IFT88: variants seen among roughly 807,000 people sequenced by gnomAD.
IFT88 encodes the protein intraflagellar transport 88.
Under a neutral mutation model 119.5 loss-of-function variants are expected in IFT88, and 74 were observed. That is an observed-to-expected ratio of 0.62 (90% CI 0.51 to 0.75). IFT88 has a LOEUF of 0.75. Among genes scored for constraint, IFT88 ranks in the 30% least tolerant of loss-of-function variants. IFT88 has a pLI of 0.00. For synonymous variants in IFT88, 279 were observed against 316.7 expected (o/e 0.88, Z 1.26); for missense variants, 961 against 977.7 (o/e 0.98, Z 0.23).
intron 24 of IFT88, among the ~76,000 whole-genome samples, chr13:20,683,519 C>T (rs1054405386): frequency 1.3e-5 from 2 of 152,064 alleles, no homozygotes; most frequent in African/African-American, 2.4e-5. Context: ...GGTTGTCCAT[C>T]GAGTCCTTCA....
At chr13:20,582,930 A>G in intron 2 of IFT88, 27 bp from the exon 3 acceptor site, 3 of 1,581,688 alleles carry the variant, frequency 1.9e-6, no homozygotes, top group Non-Finnish European at 2.6e-6. Flanking sequence ...CTCTGTGTTG[A>G]ATGTTAAATT....
intron 14 of IFT88, among the ~76,000 whole-genome samples, chr13:20,617,249 G>A (rs1219027527): frequency 6.6e-6 from 1 of 152,114 alleles, no homozygotes; most frequent in African/African-American, 2.4e-5. Context: ...TGTTTCCTGG[G>A]TAGTGTGGTG....
intron 13 of IFT88, chr13:20,607,144 C>G: frequency 2.5e-6 from 1 of 393,726 alleles, no homozygotes; most frequent in South Asian, 2.0e-5. Flanking sequence ...CCTTGTGCCA[C>G]ATCCTGGTAC....
At chr13:20,679,840 C>T (rs2057120956) in intron 24 of IFT88, among the ~76,000 whole-genome samples, 1 of 152,182 alleles carries the variant, frequency 6.6e-6, no homozygotes, top group Admixed American at 6.5e-5. Flanking sequence ...CAGGTCATAT[C>T]ATTTGGGGTT....
chr13:20,666,094 A>G (rs144700700), intron 23 of IFT88, among the ~76,000 whole-genome samples: 152 of 152,334 alleles, frequency 1.0e-3, no homozygotes, highest in African/African-American at 3.4e-3. Context: ...CCGAAACCCA[A>G]TTCTTAGGAA....
chr13:20,604,539 A>G (rs536969528), intron 12 of IFT88, among the ~76,000 whole-genome samples: 66 of 152,310 alleles, frequency 4.3e-4, no homozygotes, highest in Non-Finnish European at 7.5e-4. Context: ...GGTTAGTTCA[A>G]TGGAGAATGT....
At chr13:20,604,375 A>G (rs2139228662) in intron 12 of IFT88, among the ~76,000 whole-genome samples, 1 of 152,310 alleles carries the variant, frequency 6.6e-6, no homozygotes, top group South Asian at 2.1e-4. Flanking sequence ...TTTAATGGGG[A>G]GTAGAGATAT....
intron 20 of IFT88, among the ~76,000 whole-genome samples, chr13:20,646,703 G>A (rs2050809085): frequency 6.6e-6 from 1 of 151,316 alleles, no homozygotes; most frequent in Admixed American, 6.6e-5. Context: ...CTATTTTCCA[G>A]TGCATTTTTC....
intron 3 of IFT88, among the ~76,000 whole-genome samples, chr13:20,588,844 T>C (rs2040181535): frequency 6.6e-6 from 1 of 152,204 alleles, no homozygotes; most frequent in Admixed American, 6.5e-5. Flanking sequence ...TCAGCCCTTA[T>C]GAGGGCTAGT....
intron 21 of IFT88, 89 bp downstream of exon 21, chr13:20,654,017 C>G (rs1435596472): frequency 3.2e-6 from 2 of 627,310 alleles, no homozygotes; most frequent in Non-Finnish European, 2.7e-6. Flanking sequence ...AGTTGCATAT[C>G]TGTTTATTAA....
chr13:20,691,405 GAC>G lies in IFT88; in HGVS notation c.*236_*237del, dbSNP rs955403610. Reference sequence around the variant, plus strand: ...ACTTCCTTAGCTTTTTGAAAACATTGACACACAGGAAGAAATAAATTTCATAA... The same window carrying G: ...ACTTCCTTAGCTTTTTGAAAACATTGACACAGGAAGAAATAAATTTCATAA... On this transcript the variant is annotated 3_prime_UTR_variant, in exon 26 of 26. Transcript: ENST00000351808. 3 of 360,084 alleles carry G rather than the reference GAC, an allele frequency of 8.3e-6. No homozygotes were observed. The highest frequency in any genetic ancestry group is 2.1e-5 in the African/African-American group (1 of 47,592). The allele number at this position is 360,084 out of a possible 1,614,324, so 22.3% of individuals were successfully genotyped here. A position where few individuals can be genotyped will look rare whatever the true frequency, so the allele number is the denominator to read the frequency against.
At chr13:20,619,658 G>A (rs2046184302) in intron 14 of IFT88, among the ~76,000 whole-genome samples, 1 of 151,630 alleles carries the variant, frequency 6.6e-6, no homozygotes, top group Non-Finnish European at 1.5e-5. Context: ...TGAACCTGTT[G>A]TAAATGCTCC....
At chr13:20,607,152 T>C in intron 13 of IFT88, 1 of 411,202 alleles carries the variant, frequency 2.4e-6, no homozygotes, top group Non-Finnish European at 4.9e-6. Context: ...CACATCCTGG[T>C]ACTGTACGTG....
At chr13:20,598,598 A>C (rs913994199) in intron 9 of IFT88, 53 bp from the exon 10 acceptor site, 9 of 1,018,936 alleles carry the variant, frequency 8.8e-6, no homozygotes, top group East Asian at 2.4e-5. Context: ...ATTATAGGTG[A>C]AAGGGGCCTA....
intron 13 of IFT88, among the ~76,000 whole-genome samples, chr13:20,610,815 A>C (rs1366434335): frequency 6.6e-6 from 1 of 152,184 alleles, no homozygotes; most frequent in African/African-American, 2.4e-5. Context: ...CAGGAATGTG[A>C]AACTGGTTTA....
At chr13:20,583,618 T>A (rs1266556538) in intron 3 of IFT88, among the ~76,000 whole-genome samples, 1 of 152,186 alleles carries the variant, frequency 6.6e-6, no homozygotes, top group African/African-American at 2.4e-5. Flanking sequence ...TACACCAAAG[T>A]TTTTTAGTTT....
chr13:20,664,089 A>G (rs1188236191), intron 23 of IFT88, among the ~76,000 whole-genome samples: 3 of 152,228 alleles, frequency 2.0e-5, no homozygotes, highest in Non-Finnish European at 4.4e-5. Flanking sequence ...TATAGAAGCT[A>G]ATTTAAGAGG....
chr13:20,586,365 A>G (rs961319318), intron 3 of IFT88, among the ~76,000 whole-genome samples: 1 of 152,250 alleles, frequency 6.6e-6, no homozygotes, highest in African/African-American at 2.4e-5. Flanking sequence ...AATTAAATGG[A>G]CACACTTAGA....
intron 15 of IFT88, among the ~76,000 whole-genome samples, chr13:20,627,729 TCA>T (rs1491449440): frequency 0.088 from 1,869 of 21,304 alleles, 34 homozygotes; most frequent in African/African-American, 0.22. Flanking sequence ...AGACTTCATC[TCA>T]AAAAAAAAAA....
Sources: allele counts gnomAD v4.1 joint callset (sites outside exome capture counted in the v4.1 genomes callset), GRCh38; gene constraint gnomAD v4.1.1; transcripts MANE v1.5; gene names NCBI Gene and HGNC (gene_info 2026-07-23, HGNC 2026-07-21).